MUC5B: variants seen among roughly 807,000 people sequenced by gnomAD.
MUC5B encodes the protein mucin-5B.
Under a neutral mutation model 376.9 loss-of-function variants are expected in MUC5B, and 116 were observed. The ratio of observed to expected loss-of-function variants is 0.31; its 90% CI spans 0.26 to 0.36. The LOEUF is 0.36. Ranked by LOEUF, MUC5B falls within the 10% of genes least tolerant of loss-of-function variation. The pLI, the probability that MUC5B is intolerant of heterozygous loss-of-function variation, is 1.00. For synonymous variants in MUC5B, 3,517 were observed against 3,390.9 expected, an observed-to-expected ratio of 1.04 and a Z score of -1.29; for missense variants, 7,165 against 7,769.9, an observed-to-expected ratio of 0.92 and a Z score of 2.93.
intron 5 of MUC5B, 38 bp downstream of exon 5, chr11:1,227,183 G>A: frequency 6.3e-7 from 1 of 1,595,314 alleles, no homozygotes; most frequent in Non-Finnish European, 8.6e-7. Context: ...CTTCAGGCCT[G>A]GCCACAAAAC....
rs1862739674 is a variant in MUC5B at position 1,252,796 on chromosome 11, T to C, written c.15046-13T>C. ...GCTGGTCCAGGTGAGGACGTGCATG[T>C]TCCCTGCCCCAGGTGAATGAGACCT... On this transcript the variant is annotated splice_polypyrimidine_tract_variant and intron_variant, in intron 32 of 48. Coordinates refer to ENST00000529681, the MANE Select transcript of MUC5B (RefSeq NM_002458.3). 1 of 1,596,944 alleles carries C rather than the reference T, an allele frequency of 6.3e-7. No homozygotes were observed. The highest frequency in any genetic ancestry group is 8.5e-7 in the Non-Finnish European group (1 of 1,172,662).
In MUC5B at chr11:1,226,570, TG is replaced by T. The variant is rs1344865847; in HGVS notation, c.200-39del. The T allele has an allele frequency of 1.9e-6, 3 of 1,576,038 alleles. No individual in the cohort carries two copies. In the African/African-American group the frequency reaches 4.1e-5, roughly 21 times the overall value. Reference sequence around the variant, plus strand: ...CCTCGGCCCAGGGGAGGCTACCCCGTGGGGGGCTGGCATGGGGATGGGCCTC... The same window carrying T: ...CCTCGGCCCAGGGGAGGCTACCCCGTGGGGGCTGGCATGGGGATGGGCCTC... On this transcript the variant is annotated intron_variant, in intron 3 of 48. Coordinates refer to ENST00000529681, the MANE Select transcript of MUC5B (RefSeq NM_002458.3).
Position 1,252,452 on chromosome 11 carries a change from G to A in MUC5B, c.14973G>A (p.Pro4991=), listed in dbSNP as rs142398575. The change falls in exon 32 of 49, where the codon CCG becomes CCA. Residue 4991 remains proline, a synonymous_variant. Transcript: ENST00000529681. ...RFQGACPTSP[P]PVSSAPLSSP... ...AGGGCGCCTGTCCCACCTCCCCACC[G>A]CCAGTGTCCTCCGCCCCGCTGTCCT... 255 of 1,609,810 alleles carry A rather than the reference G, an allele frequency of 1.6e-4. 8 individuals carry two copies. In the Middle Eastern group the frequency reaches 9.1e-3, roughly 57 times the overall value.
In MUC5B at chr11:1,242,085, C is replaced by T. The variant is rs372123386; in HGVS notation, c.5205C>T (p.Thr1735=). ...SRARPTGTAS[T]ASKEPLTTSL... ...CTCGCCCGACAGGCACAGCCAGCAC[C>T]GCTTCCAAAGAGCCGCTGACCACGA... The change falls in exon 31 of 49, where the codon ACC becomes ACT. Residue 1735 remains threonine (T), a synonymous_variant. Coordinates refer to ENST00000529681, the MANE Select transcript of MUC5B (RefSeq NM_002458.3). 7.4e-5 allele frequency: 119 copies of T among 1,610,746 alleles called. No individual in the cohort carries two copies. Among genetic ancestry groups the T allele is most frequent in the Middle Eastern group, 3.3e-4 (2 of 6,076 alleles).
In MUC5B at chr11:1,246,422, C is replaced by A. The variant is rs71469863; in HGVS notation, c.9542C>A (p.Ala3181Asp). 10 of 1,613,560 alleles carry A rather than the reference C, an allele frequency of 6.2e-6. No homozygotes were observed. The highest frequency in any genetic ancestry group is 7.6e-6 in the Non-Finnish European group (9 of 1,179,762). ...ATVTVPTGST[A>D]TASSTRATAG... ...GTGACGGTGCCCACCGGATCCACGGCCACCGCCTCCTCCACCCGGGCAACT... is the reference window on the plus strand; with the variant it reads ...GTGACGGTGCCCACCGGATCCACGGACACCGCCTCCTCCACCCGGGCAACT... Residue 3181 changes from alanine to aspartate, a missense_variant, in exon 31 of 49, where the codon GCC becomes GAC. Ala to Asp is a moderately radical substitution (Grantham distance 126). Transcript: ENST00000529681.
rs531053009 is a variant in MUC5B, at chr11:1,229,277, G to A, written c.1084G>A (p.Gly362Ser). The A allele has an allele frequency of 9.8e-5, 155 of 1,580,298 alleles. No individual in the cohort carries two copies. Among genetic ancestry groups the A allele is most frequent in the Non-Finnish European group, 1.2e-4 (141 of 1,167,290 alleles). The change falls in exon 9 of 49, where the codon GGC (glycine) becomes AGC (serine). Residue 362 changes from glycine to serine, a missense_variant. By Grantham distance (56) the Gly-to-Ser change is moderately conservative. This residue lies in a region of MUC5B where 640 missense variants were observed against 733.0 expected (regional missense o/e 0.87). Transcript: ENST00000529681. ...GCTCTGCGAGGACCACTGTGTGGACGGCTGCTTCTGCCCCCCAGGCAGGTC... is the reference window on the plus strand; with the variant it reads ...GCTCTGCGAGGACCACTGTGTGGACAGCTGCTTCTGCCCCCCAGGCAGGTC... ...AQLCEDHCVD[G>S]CFCPPGTVLD...
At chr11:1,254,593 G>C (rs1460806713) in intron 34 of MUC5B, 101 bp from the exon 35 acceptor site, 18 of 1,311,968 alleles carry the variant, frequency 1.4e-5, no homozygotes, top group Non-Finnish European at 1.9e-5. Flanking sequence ...GGATACACAG[G>C]GGGGTCTCTG....
rs757706516 is a variant in MUC5B at position 1,241,281 on chromosome 11, C to T, written c.4401C>T (p.Thr1467=). The T allele has an allele frequency of 6.3e-7, 1 of 1,597,984 alleles. No individual in the cohort carries two copies. Among genetic ancestry groups the T allele is most frequent in the Non-Finnish European group, 8.5e-7 (1 of 1,172,458 alleles). The change falls in exon 31 of 49, where the codon ACC becomes ACT. Residue 1467 remains threonine (T), a synonymous_variant. Coordinates refer to ENST00000529681, the MANE Select transcript of MUC5B (RefSeq NM_002458.3). ...PTQTTATEKT[T]LWVTPSIRST... ...AGACCACAGCAACCGAAAAGACCAC[C>T]CTATGGGTGACCCCGAGCATCCGGT...
intron 2 of MUC5B, 23 bp from the exon 3 acceptor site, chr11:1,226,182 G>T (rs1165769590): frequency 6.5e-7 from 1 of 1,544,666 alleles, no homozygotes; most frequent in Non-Finnish European, 8.7e-7. Flanking sequence ...CACGTTCCTG[G>T]GGTGACCAGC....
Position 1,250,825 on chromosome 11 carries a change from G to A in MUC5B, c.13945G>A (p.Ala4649Thr), listed in dbSNP as rs373476136. ...CTCCATCCCGGGGACCACCCACACC[G>A]CCAGAGTGCTGACCACCACCACCAC... Reference protein sequence around the residue: ...PSSIPGTTHTARVLTTTTTTV... With the variant: ...PSSIPGTTHTTRVLTTTTTTV... Residue 4649 changes from alanine (A) to threonine (T), a missense_variant, in exon 31 of 49, where the codon GCC becomes ACC. Ala to Thr is a moderately conservative substitution (Grantham distance 58). Coordinates refer to ENST00000529681, the MANE Select transcript of MUC5B (RefSeq NM_002458.3). The A allele has an allele frequency of 3.2e-5, 52 of 1,611,062 alleles. No individual in the cohort carries two copies. Among genetic ancestry groups the A allele is most frequent in the African/African-American group, 1.6e-4 (12 of 74,180 alleles).
intron 48 of MUC5B, 66 bp from the exon 49 acceptor site, chr11:1,261,323 A>G (rs1252012560): frequency 6.4e-6 from 9 of 1,417,092 alleles, no homozygotes. Flanking sequence ...CCCATGTGTC[A>G]CCATGGCTGG....
chr11:1,254,118 C>T lies in MUC5B; in HGVS notation c.15244C>T (p.His5082Tyr). 1 of 1,612,594 alleles carries T rather than the reference C, an allele frequency of 6.2e-7. No homozygotes were observed. The highest frequency in any genetic ancestry group is 8.5e-7 in the Non-Finnish European group (1 of 1,179,806). Residue 5082 changes from histidine (H) to tyrosine (Y), a missense_variant, in exon 34 of 49, where the codon CAC (histidine) becomes TAC (tyrosine). His to Tyr is a moderately conservative substitution (Grantham distance 83). Around this residue, in one of 31 missense-constraint regions of MUC5B, gnomAD observed 842 missense variants for 1,016.9 expected, o/e 0.83. Coordinates refer to ENST00000529681, the MANE Select transcript of MUC5B (RefSeq NM_002458.3). ...CATCTGCAGCATGTGGGGCGGCTCC[C>T]ACTATTCCACCTTTGACGGCACCTC... Reference protein sequence around the residue: ...ECICSMWGGSHYSTFDGTSYT... With the variant: ...ECICSMWGGSYYSTFDGTSYT...
chr11:1,235,021 C>T (rs1224844856), intron 21 of MUC5B, 64 bp from the exon 22 acceptor site: 8 of 1,547,762 alleles, frequency 5.2e-6, no homozygotes, highest in Non-Finnish European at 6.1e-6. Flanking sequence ...GGCCTGGGTG[C>T]CGGGTCTCAG....
chr11:1,257,840 G>A lies in MUC5B; in HGVS notation c.16450+130G>A. The A allele has an allele frequency of 8.6e-7, 1 of 1,164,104 alleles. No homozygotes were observed. Among genetic ancestry groups the A allele is most frequent in the Non-Finnish European group, 1.2e-6 (1 of 846,438 alleles). The allele number at this position is 1,164,104 out of a possible 1,614,324, so 72.1% of individuals were successfully genotyped here. A position where few individuals can be genotyped will look rare whatever the true frequency, so the allele number is the denominator to read the frequency against. On this transcript the variant is annotated intron_variant, in intron 41 of 48. Transcript: ENST00000529681. The surrounding 1 kb of genome is among the most constrained non-coding windows in gnomAD (Gnocchi z 8.9). ...CTGTGTCCTGGCGTGACCGCGGCAG[G>A]ACCACTCGGCAGAGATGGCCTCCAG...
At chr11:1,230,872 C>T (rs1207265664) in intron 12 of MUC5B, 64 bp from the exon 13 acceptor site, 23 of 1,539,344 alleles carry the variant, frequency 1.5e-5, no homozygotes, top group Admixed American at 2.0e-5. Context: ...AGGCCACCCC[C>T]TCATTTGAGA....
Position 1,254,880 on chromosome 11 carries a change from G to A in MUC5B, c.15664G>A (p.Gly5222Ser), listed in dbSNP as rs563622514. Residue 5222 changes from glycine to serine, a missense_variant and splice_region_variant, in exon 35 of 49, where the codon GGC (glycine) becomes AGC (serine). Gly to Ser is a moderately conservative substitution (Grantham distance 56, BLOSUM62 0). Around this residue, in one of 31 missense-constraint regions of MUC5B, gnomAD observed 842 missense variants for 1,016.9 expected, o/e 0.83. Transcript: ENST00000529681. ...LFHNNTEGQC[G>S]TCTNNQRDDC... ...CCACAACAACACCGAGGGCCAGTGC[G>A]GTGAGTGGGCGGCGGGTCCTGCCCC... 2.5e-6 allele frequency: 4 copies of A among 1,610,398 alleles called. No individual in the cohort carries two copies. The highest frequency in any genetic ancestry group is 2.5e-6 in the Non-Finnish European group (3 of 1,179,316).
In MUC5B at chr11:1,260,412, C is replaced by T. The variant is rs371490955; in HGVS notation, c.16966+19C>T. The T allele has an allele frequency of 5.1e-5, 82 of 1,612,006 alleles. No individual in the cohort carries two copies. Among genetic ancestry groups the T allele is most frequent in the Non-Finnish European group, 6.4e-5 (75 of 1,179,400 alleles). On this transcript the variant is annotated intron_variant, in intron 47 of 48. Coordinates refer to ENST00000529681, the MANE Select transcript of MUC5B (RefSeq NM_002458.3). ...GAGGAGGGTAAGTGGAAGCCACCTTCCCACACCAGCCCTCCAGCTCCAGCC... is the reference window on the plus strand; with the variant it reads ...GAGGAGGGTAAGTGGAAGCCACCTTTCCACACCAGCCCTCCAGCTCCAGCC...
rs1862337878 is a variant in MUC5B, at chr11:1,243,109, A to G, written c.6229A>G (p.Ile2077Val). 1.2e-6 allele frequency: 2 copies of G among 1,610,106 alleles called. No homozygotes were observed. Among genetic ancestry groups the G allele is most frequent in the Non-Finnish European group, 1.7e-6 (2 of 1,178,322 alleles). Residue 2077 changes from isoleucine (I) to valine (V), a missense_variant, in exon 31 of 49, where the codon ATC becomes GTC. Around this residue, in one of 31 missense-constraint regions of MUC5B, gnomAD observed 897 missense variants for 779.6 expected, o/e 1.15. Coordinates refer to ENST00000529681, the MANE Select transcript of MUC5B (RefSeq NM_002458.3). ...GACGGCACTCACGCCTCCAGTGTGG[A>G]TCAGCACAACCACCACACCCACAAC... Reference protein sequence around the residue: ...PGTALTPPVWISTTTTPTTRG... With the variant: ...PGTALTPPVWVSTTTTPTTRG...
At position 1,248,352 on chromosome 11, in the gene MUC5B, C is replaced by T; in HGVS notation, c.11472C>T (p.Pro3824=). ...TPTATMSTAT[P]SSTPETAHTS... ...CGGCCACCATGTCCACAGCCACACC[C>T]TCCTCCACTCCAGAGACTGCCCACA... is the stretch of plus-strand genomic sequence containing the variant. Residue 3824 remains proline (P), a synonymous_variant, in exon 31 of 49, where the codon CCC becomes CCT. Transcript: ENST00000529681. 3 of 1,612,842 alleles carry T rather than the reference C, an allele frequency of 1.9e-6. No individual in the cohort carries two copies. Among genetic ancestry groups the T allele is most frequent in the Admixed American group, 1.7e-5 (1 of 59,926 alleles).
Sources: gnomAD v4.1 joint callset for allele counts on GRCh38, gnomAD v4.1.1 for gene constraint, gnomAD v4.1.1 regional missense constraint, Gnocchi (gnomAD v3.1) non-coding constraint, MANE v1.5 for transcripts, NCBI Gene and HGNC (gene_info 2026-07-23, HGNC 2026-07-21) for gene names.